Variants in SRGAP1 observed in about 807,000 individuals in gnomAD.
SRGAP1 encodes SLIT-ROBO Rho GTPase-activating protein 1.
Under a neutral mutation model 121.9 loss-of-function variants are expected in SRGAP1, and 43 were observed. The observed-to-expected ratio is 0.35, with a 90% CI of 0.28 to 0.46. SRGAP1 has a LOEUF of 0.46. SRGAP1 is among the 20% of genes least tolerant of loss of function. SRGAP1 has a pLI of 1.00. For missense variants in SRGAP1, 1,102 were observed against 1,350.9 expected (o/e 0.82, Z 2.89); for synonymous variants, 447 against 485.4 (o/e 0.92, Z 1.04).
At chr12:63,897,691 CAACTT>C (rs1433403483) in intron 1 of SRGAP1, among the ~76,000 whole-genome samples, 1 of 152,174 alleles carries the variant, frequency 6.6e-6, no homozygotes, top group African/African-American at 2.4e-5. Flanking sequence ...TGGTGCCTCT[CAACTT>C]AGTAAAATGT....
At chr12:64,008,726 A>T (rs1451550784) in intron 3 of SRGAP1, among the ~76,000 whole-genome samples, 3 of 152,164 alleles carry the variant, frequency 2.0e-5, no homozygotes, top group African/African-American at 7.2e-5. Context: ...TAATGGGTTA[A>T]TGCGTGACTG....
intron 1 of SRGAP1, among the ~76,000 whole-genome samples, chr12:63,943,148 CTG>C (rs2031924372): frequency 6.6e-6 from 1 of 152,052 alleles, no homozygotes; most frequent in Non-Finnish European, 1.5e-5. Flanking sequence ...GTACATATTT[CTG>C]TATTAATGGT....
Position 64,065,103 on chromosome 12 carries a change from C to T in SRGAP1, c.1024-15C>T, listed in dbSNP as rs945320122. The stretch of plus-strand genomic sequence containing the variant: ...GATGGTGCCCTGTTGTAACTGGTTT[C>T]TCATTCTCCATCAGGTGTGCCAGGT... On this transcript the variant is annotated splice_polypyrimidine_tract_variant and intron_variant, in intron 7 of 21. Transcript: ENST00000355086. 1.9e-6 allele frequency: 3 copies of T among 1,604,506 alleles called. No individual in the cohort carries two copies. The highest frequency in any genetic ancestry group is 1.7e-5 in the Admixed American group (1 of 57,800).
At chr12:63,939,967 C>CT (rs564072689) in intron 1 of SRGAP1, among the ~76,000 whole-genome samples, 2,874 of 148,368 alleles carry the variant, frequency 0.019, 38 homozygotes, top group African/African-American at 0.034. Context: ...CTTTTCTTTT[C>CT]TTTTTTTTTT....
intron 1 of SRGAP1, among the ~76,000 whole-genome samples, chr12:63,936,938 T>C (rs1234107422): frequency 2.0e-5 from 3 of 152,218 alleles, no homozygotes; most frequent in African/African-American, 7.2e-5. Context: ...CAAATCTTTC[T>C]GTTTTCCCTC....
chr12:64,114,252 C>T (rs1235359054), intron 17 of SRGAP1, among the ~76,000 whole-genome samples: 1 of 151,296 alleles, frequency 6.6e-6, no homozygotes, highest in Non-Finnish European at 1.5e-5. Context: ...TAAATGAATG[C>T]AACTCAACCC....
At chr12:63,892,571 A>G (rs1408360575) in intron 1 of SRGAP1, among the ~76,000 whole-genome samples, 1 of 151,852 alleles carries the variant, frequency 6.6e-6, no homozygotes, top group Non-Finnish European at 1.5e-5. Context: ...TTCCTTTCCC[A>G]TGTTCTCTGC....
intron 21 of SRGAP1, among the ~76,000 whole-genome samples, chr12:64,134,082 C>T (rs555774413): frequency 6.6e-6 from 1 of 151,992 alleles, no homozygotes. Flanking sequence ...TGGTTCCCAC[C>T]GTTAGATCTG....
intron 1 of SRGAP1, among the ~76,000 whole-genome samples, chr12:63,851,934 CAAA>C: frequency 6.6e-6 from 1 of 152,228 alleles, no homozygotes; most frequent in East Asian, 1.9e-4. Context: ...TAATAGTCAA[CAAA>C]TGTTAGTCAT....
At chr12:64,139,283 G>A (rs754331878) in intron 21 of SRGAP1, among the ~76,000 whole-genome samples, 5 of 152,212 alleles carry the variant, frequency 3.3e-5, no homozygotes, top group African/African-American at 4.8e-5. Context: ...CTGGAAAACT[G>A]TATCAGGGGA....
At chr12:64,079,836 A>G (rs959110099) in intron 9 of SRGAP1, among the ~76,000 whole-genome samples, 2 of 152,190 alleles carry the variant, frequency 1.3e-5, no homozygotes, top group African/African-American at 4.8e-5. Flanking sequence ...GGGTTGGCTG[A>G]TGCTGCTGGT....
Position 63,949,178 on chromosome 12 carries a change from C to CATAG in SRGAP1, c.68-34766_68-34765insGATA, listed in dbSNP as rs2032190443. On this transcript the variant is annotated intron_variant, in intron 1 of 21. Transcript: ENST00000355086. ...GTATTTTCCATATATATATTTTTTC[C>CATAG]ATATATATTTTTTTTTCCATATATA... Among the ~76,000 whole-genome samples the CATAG allele has an allele frequency of 3.6e-5, 3 of 83,034 alleles. No homozygotes were observed. In the South Asian group the frequency reaches 1.2e-3, roughly 33 times the overall value. The allele number at this position is 83,034 out of a possible 152,430, so 54.5% of individuals were successfully genotyped here.
chr12:63,903,638 C>T (rs552861111), intron 1 of SRGAP1, among the ~76,000 whole-genome samples: 17 of 149,762 alleles, frequency 1.1e-4, no homozygotes, highest in South Asian at 6.3e-4. Flanking sequence ...CTTTGTTCAC[C>T]GCAACGTCTG....
chr12:64,034,011 GA>G (rs1467203795), intron 4 of SRGAP1, among the ~76,000 whole-genome samples: 1 of 152,198 alleles, frequency 6.6e-6, no homozygotes, highest in Non-Finnish European at 1.5e-5. Flanking sequence ...CCTGGTGACA[GA>G]GTGAGACTCT....
chr12:64,060,500 G>T (rs991000614), intron 6 of SRGAP1, among the ~76,000 whole-genome samples: 1 of 152,016 alleles, frequency 6.6e-6, no homozygotes, highest in Non-Finnish European at 1.5e-5. Flanking sequence ...GAGCCACCGC[G>T]CCCAGCCAAG....
intron 1 of SRGAP1, among the ~76,000 whole-genome samples, chr12:63,894,666 T>C (rs895450045): frequency 6.6e-6 from 1 of 152,076 alleles, no homozygotes; most frequent in Non-Finnish European, 1.5e-5. Flanking sequence ...GTTCCCCTTC[T>C]TGTGTCCATG....
rs1456109417 is a variant in SRGAP1, at chr12:64,072,173, C to A, written c.1126-6746C>A. On this transcript the variant is annotated intron_variant, in intron 8 of 21. Coordinates refer to ENST00000355086, the MANE Select transcript of SRGAP1 (RefSeq NM_020762.4). ...GGGCGGCGGGGGGGGGCTCTTTCTG[C>A]TAATTTTTAGTACATCTGAAATGAC... is the stretch of plus-strand genomic sequence containing the variant. Among the ~76,000 whole-genome samples the A allele has an allele frequency of 4.1e-5, 5 of 123,456 alleles. 1 individual carries two copies. Among genetic ancestry groups the A allele is most frequent in the Admixed American group, 1.8e-4 (2 of 11,358 alleles). 81.0% of individuals were successfully genotyped at this position (123,456 alleles called of 152,430 possible).
At chr12:64,131,723 T>C (rs1363881781) in intron 21 of SRGAP1, among the ~76,000 whole-genome samples, 2 of 152,212 alleles carry the variant, frequency 1.3e-5, no homozygotes, top group Non-Finnish European at 2.9e-5. Flanking sequence ...TTCCATTTGA[T>C]GATGGAATGC....
intron 10 of SRGAP1, 95 bp from the exon 11 acceptor site, chr12:64,086,904 A>G: frequency 1.2e-6 from 1 of 860,610 alleles, no homozygotes. Context: ...TTACAAACTC[A>G]GTGTTTTAAA....
Sources: gnomAD v4.1 joint callset for allele counts (sites outside exome capture counted in the v4.1 genomes callset) on GRCh38, gnomAD v4.1.1 for gene constraint, MANE v1.5 for transcripts, NCBI Gene and HGNC (gene_info 2026-07-23, HGNC 2026-07-21) for gene names.